The following ELAVL1 variants were observed in gnomAD, a reference collection of about 807,000 sequenced individuals.
The protein encoded by ELAVL1 is ELAV like RNA binding protein 1, also known as ELAV-like protein 1.
ELAVL1 carries 1 observed loss-of-function variant against 28.4 expected under a neutral mutation model. The ratio of observed to expected loss-of-function variants is 0.04; its 90% CI spans 0.01 to 0.17. The LOEUF is 0.17. ELAVL1 is among the 10% of genes least tolerant of loss of function. ELAVL1 has a pLI of 1.00. For missense variants in ELAVL1, 157 were observed against 447.2 expected (o/e 0.35, Z 5.85); for synonymous variants, 174 against 183.5 (o/e 0.95, Z 0.42).
chr19:7,976,327 A>G (rs1355051482), intron 3 of ELAVL1, among the ~76,000 whole-genome samples: 6 of 151,606 alleles, frequency 4.0e-5, no homozygotes, highest in African/African-American at 1.2e-4. Flanking sequence ...GCGTGAACCC[A>G]GGAGGCGGAG....
At chr19:8,005,472 C>G (rs2081084388) in intron 1 of ELAVL1, 23 bp downstream of exon 1, 1 of 147,204 alleles carries the variant, frequency 6.8e-6, no homozygotes, top group Non-Finnish European at 1.5e-5. Flanking sequence ...TCGGGCGCCG[C>G]CGAAGGCCCC....
intron 1 of ELAVL1, among the ~76,000 whole-genome samples, chr19:7,995,916 C>CT (rs577024547): frequency 0.18 from 25,642 of 146,060 alleles, 2,844 homozygotes; most frequent in Non-Finnish European, 0.26. Context: ...AGTCAGAACA[C>CT]TTTTTTTTTT....
At chr19:7,987,040 G>A (rs1174448184) in intron 2 of ELAVL1, among the ~76,000 whole-genome samples, 3 of 149,268 alleles carry the variant, frequency 2.0e-5, no homozygotes, top group African/African-American at 4.9e-5. Context: ...GGGAAAGTCC[G>A]GAAGGACATT....
chr19:7,973,443 GCTGGT>G lies in ELAVL1; in HGVS notation c.430+277_430+281del, dbSNP rs59820693. On this transcript the variant is annotated intron_variant, in intron 4 of 5. Coordinates refer to ENST00000407627, the MANE Select transcript of ELAVL1 (RefSeq NM_001419.3). ...GACAGGGTTTCACCATGTTGGTCAGGCTGGTCTCCATCTCCTGACCTCGTGATCCA... is the reference window on the plus strand; with the variant it reads ...GACAGGGTTTCACCATGTTGGTCAGGCTCCATCTCCTGACCTCGTGATCCA... The G allele has an allele frequency of 3.5e-3, 1,670 of 473,270 alleles. 5 individuals are homozygous for G. Among genetic ancestry groups the G allele is most frequent in the Non-Finnish European group, 4.8e-3 (1,304 of 268,954 alleles). The allele number at this position is 473,270 out of a possible 1,614,324, so 29.3% of individuals were successfully genotyped here. A position where few individuals can be genotyped will look rare whatever the true frequency, so the allele number is the denominator to read the frequency against.
chr19:7,970,978 T>C (rs967300336), intron 4 of ELAVL1, among the ~76,000 whole-genome samples: 3 of 152,174 alleles, frequency 2.0e-5, no homozygotes, highest in Non-Finnish European at 4.4e-5. Context: ...GATGGGAGCC[T>C]CACCTTCCCA....
chr19:8,002,052 C>T, intron 1 of ELAVL1: 5 of 1,289,320 alleles, frequency 3.9e-6, no homozygotes, highest in South Asian at 2.5e-5. Context: ...CCTGGCCTAC[C>T]TGCAGGGTAA....
At chr19:8,000,744 G>A (rs1205939159) in intron 1 of ELAVL1, among the ~76,000 whole-genome samples, 1 of 152,242 alleles carries the variant, frequency 6.6e-6, no homozygotes, top group Non-Finnish European at 1.5e-5. Flanking sequence ...CCAAGCCCCT[G>A]CCCATGGCCC....
chr19:8,003,355 CAAAAAAAAAAAAAAAAAAAGAAAAAGAAA>C (rs1157998451), intron 1 of ELAVL1, among the ~76,000 whole-genome samples: 2 of 61,092 alleles, frequency 3.3e-5, no homozygotes, highest in Non-Finnish European at 5.4e-5. Context: ...GAAACTGTCT[CAAAAAAAAAAAAAAAAAAAGAAAAAGAAA>C]AAAAAAAAAA....
Position 7,982,131 on chromosome 19 carries a change from G to A in ELAVL1, c.173-945C>T, listed in dbSNP as rs1985481581. On this transcript the variant is annotated intron_variant, in intron 2 of 5. Transcript: ENST00000407627. This position sits in a 1 kb window ranked among gnomAD's most constrained non-coding sequence, Gnocchi z 4.3. ...CACCCACTCACTGGATACCATGGGA[G>A]GGACTCGGGAGGGCAAGGGCAGGAC... is the stretch of plus-strand genomic sequence containing the variant. Among the ~76,000 whole-genome samples, 1 of 152,196 alleles carries A rather than the reference G, an allele frequency of 6.6e-6. No individual in the cohort carries two copies. The highest frequency in any genetic ancestry group is 6.5e-5 in the Admixed American group (1 of 15,280).
At chr19:7,975,878 G>A (rs900954797) in intron 3 of ELAVL1, among the ~76,000 whole-genome samples, 1 of 152,138 alleles carries the variant, frequency 6.6e-6, no homozygotes, top group Non-Finnish European at 1.5e-5. Context: ...GGCTGAGTGG[G>A]AGGATCGCTT....
intron 5 of ELAVL1, among the ~76,000 whole-genome samples, chr19:7,966,364 C>T (rs901853745): frequency 5.3e-5 from 8 of 152,172 alleles, no homozygotes; most frequent in Non-Finnish European, 1.2e-4. Context: ...CTCTATCCCA[C>T]TTCATCCTGG....
intron 1 of ELAVL1, among the ~76,000 whole-genome samples, chr19:7,998,870 G>T (rs555276793): frequency 6.6e-6 from 1 of 152,268 alleles, no homozygotes; most frequent in South Asian, 2.1e-4. Context: ...CATAATCACG[G>T]CTCACTGCAG....
rs1599670725 is a variant in ELAVL1 at position 7,979,197 on chromosome 19, G to A, written c.276+1886C>T. Among the ~76,000 whole-genome samples, 2 of 152,362 alleles carry A rather than the reference G, an allele frequency of 1.3e-5. No homozygotes were observed. Among genetic ancestry groups the A allele is most frequent in the South Asian group, 4.1e-4 (2 of 4,830 alleles). ...CCCATGAGGCTGGCCTGTTTCTGCA[G>A]AACTAGGACAGTGGTGTGAAGCCAC... On this transcript the variant is annotated intron_variant, in intron 3 of 5. Transcript: ENST00000407627. This position sits in a 1 kb window ranked among gnomAD's most constrained non-coding sequence, Gnocchi z 5.4.
chr19:7,972,272 G>A (rs1985136261), intron 4 of ELAVL1, among the ~76,000 whole-genome samples: 1 of 152,230 alleles, frequency 6.6e-6, no homozygotes, highest in African/African-American at 2.4e-5. Context: ...CCACGTGCAG[G>A]GCTTGGCAAA....
At chr19:7,965,921 A>C (rs1436959810) in intron 5 of ELAVL1, among the ~76,000 whole-genome samples, 1 of 152,162 alleles carries the variant, frequency 6.6e-6, no homozygotes, top group Non-Finnish European at 1.5e-5. Flanking sequence ...CAGAAACCTC[A>C]AGGAAGGCAG....
rs774746507 is a variant in ELAVL1, at chr19:7,963,798, G to T, written c.666C>A (p.Pro222=). 2.2e-5 allele frequency: 35 copies of T among 1,613,372 alleles called. No individual in the cohort carries two copies. Among genetic ancestry groups the T allele is most frequent in the Non-Finnish European group, 2.5e-5 (29 of 1,179,386 alleles). The change falls in exon 6 of 6, where the codon CCC becomes CCA. Residue 222 remains proline, a synonymous_variant. Transcript: ENST00000407627. The surrounding 1 kb of genome is among the most constrained non-coding windows in gnomAD (Gnocchi z 4.5). The stretch of plus-strand genomic sequence containing the variant: ...GCCCGCTCATGTGATCGACGCCCAT[G>T]GGGGAGAACCTGGCAGACAGAGAGC... ...HHQAQRFRFS[P]MGVDHMSGLS...
rs961575140 is a variant in ELAVL1, at chr19:7,979,758, G to A, written c.276+1325C>T. 1.3e-5 allele frequency among the ~76,000 whole-genome samples: 2 copies of A among 152,198 alleles called. No individual in the cohort carries two copies. The highest frequency in any genetic ancestry group is 2.9e-5 in the Non-Finnish European group (2 of 68,028). ...CCTCAGGGAGCCCACTGCACACCAC[G>A]TCCATGCGGCATGGGGCAGGTCTGG... On this transcript the variant is annotated intron_variant, in intron 3 of 5. Transcript: ENST00000407627. This position sits in a 1 kb window ranked among gnomAD's most constrained non-coding sequence, Gnocchi z 5.4.
chr19:7,974,074 C>T (rs1985204082), intron 3 of ELAVL1, among the ~76,000 whole-genome samples, 196 bp from the exon 4 acceptor site: 1 of 152,262 alleles, frequency 6.6e-6, no homozygotes, highest in African/African-American at 2.4e-5. Context: ...AGCCAGGATG[C>T]CTGGCAGTGC....
intron 4 of ELAVL1, among the ~76,000 whole-genome samples, chr19:7,969,724 T>C (rs1008077743): frequency 6.6e-5 from 10 of 152,098 alleles, no homozygotes; most frequent in African/African-American, 2.4e-4. Flanking sequence ...GATGGCTTCA[T>C]TCTGTTTCTA....
Sources: gnomAD v4.1 joint callset for allele counts (sites outside exome capture counted in the v4.1 genomes callset) on GRCh38, gnomAD v4.1.1 for gene constraint, Gnocchi (gnomAD v3.1) non-coding constraint, MANE v1.5 for transcripts, NCBI Gene and HGNC (gene_info 2026-07-23, HGNC 2026-07-21) for gene names.